Variants in HIVEP3 observed in about 807,000 individuals in gnomAD.
HIVEP3 encodes the protein transcription factor HIVEP3.
HIVEP3 carries 49 observed loss-of-function variants against 152.8 expected under a neutral mutation model. The observed-to-expected ratio is 0.32, with a 90% CI of 0.26 to 0.41. The LOEUF (loss-of-function observed/expected upper bound fraction) is 0.41. Among genes scored for constraint, HIVEP3 ranks in the 10% least tolerant of loss-of-function variants. HIVEP3 has a pLI of 1.00. For missense variants in HIVEP3, 2,790 were observed against 3,103.3 expected (o/e 0.90, Z 2.40); for synonymous variants, 1,269 against 1,289.0 (o/e 0.98, Z 0.33).
intron 1 of HIVEP3, among the ~76,000 whole-genome samples, chr1:41,857,074 A>G (rs1024295389): frequency 2.0e-5 from 3 of 152,090 alleles, no homozygotes; most frequent in African/African-American, 7.2e-5. Flanking sequence ...GCAGCCCTTC[A>G]GGGAATCCTT....
chr1:41,787,193 C>A (rs1649399086), intron 1 of HIVEP3, among the ~76,000 whole-genome samples: 1 of 151,976 alleles, frequency 6.6e-6, no homozygotes, highest in South Asian at 2.1e-4. Context: ...AATGAGGTAC[C>A]AAAATAATGC....
rs1171123993 is a variant in HIVEP3 at position 41,924,194 on chromosome 1, C to T, written n.120-5670G>A. On this transcript the variant is annotated intron_variant and non_coding_transcript_variant, in intron 1 of 3. Transcript: ENST00000489103. ...GCGGCTGAGATTGGAGTGATGCAGCCACAAGCCAAGGAATGCCAGAGGCCA... is the reference window on the plus strand; with the variant it reads ...GCGGCTGAGATTGGAGTGATGCAGCTACAAGCCAAGGAATGCCAGAGGCCA... Among the ~76,000 whole-genome samples, 7 of 152,204 alleles carry T rather than the reference C, an allele frequency of 4.6e-5. No homozygotes were observed. The South Asian group carries it at 1.5e-3, about 32-fold the overall frequency.
intron 5 of HIVEP3, 98 bp downstream of exon 5, chr1:41,575,446 G>C: frequency 7.5e-7 from 1 of 1,331,062 alleles, no homozygotes. Context: ...CCTGTGGGCA[G>C]AGCCCTTGCC....
intron 4 of HIVEP3, 32 bp downstream of exon 4, chr1:41,579,705 A>C: frequency 6.6e-7 from 1 of 1,517,824 alleles, no homozygotes; most frequent in South Asian, 1.3e-5. Context: ...TTTGCAAATC[A>C]GTGATGAGAA....
chr1:41,787,485 A>C (rs1050416008), intron 1 of HIVEP3, among the ~76,000 whole-genome samples: 1 of 150,554 alleles, frequency 6.6e-6, no homozygotes, highest in Admixed American at 6.6e-5. Flanking sequence ...GAGTTTTCAC[A>C]TGGCTTCATT....
chr1:41,806,911 C>T (rs1327418164), intron 1 of HIVEP3, among the ~76,000 whole-genome samples: 1 of 152,106 alleles, frequency 6.6e-6, no homozygotes, highest in Non-Finnish European at 1.5e-5. Flanking sequence ...CACCCCACGC[C>T]CCACCCACAC....
chr1:42,029,541 G>A (rs768398128), intron 1 of HIVEP3, among the ~76,000 whole-genome samples: 11 of 152,114 alleles, frequency 7.2e-5, no homozygotes, highest in Non-Finnish European at 1.5e-4. Flanking sequence ...TTGAAAATCC[G>A]CAACTGTGAT....
chr1:41,642,498 T>C (rs1645389991), intron 2 of HIVEP3, among the ~76,000 whole-genome samples: 1 of 152,186 alleles, frequency 6.6e-6, no homozygotes, highest in Admixed American at 6.5e-5. Flanking sequence ...CTCTACTCTC[T>C]CTCTGGCCAG....
chr1:41,575,402 G>A, intron 5 of HIVEP3, 142 bp downstream of exon 5: 1 of 796,662 alleles, frequency 1.3e-6, no homozygotes, highest in East Asian at 2.5e-5. Flanking sequence ...GGAAGGTGAT[G>A]TCTGCTGAAA....
intron 1 of HIVEP3, among the ~76,000 whole-genome samples, chr1:41,716,595 G>T (rs1646597730): frequency 6.6e-6 from 1 of 152,196 alleles, no homozygotes; most frequent in Admixed American, 6.5e-5. Context: ...AGCAGTGGGA[G>T]GGCCCTCTGG....
At chr1:41,740,601 AT>A (rs1252471155) in intron 1 of HIVEP3, among the ~76,000 whole-genome samples, 1 of 152,164 alleles carries the variant, frequency 6.6e-6, no homozygotes, top group Non-Finnish European at 1.5e-5. Flanking sequence ...CTTCATATTT[AT>A]TCTACAAACG....
chr1:41,978,924 C>T (rs115488990), intron 1 of HIVEP3, among the ~76,000 whole-genome samples: 2,295 of 152,180 alleles, frequency 0.015, 55 homozygotes, highest in African/African-American at 0.053. Flanking sequence ...ACCAGACTGA[C>T]GTGTTGAGGA....
intron 2 of HIVEP3, among the ~76,000 whole-genome samples, chr1:41,689,919 C>CA (rs1401174526): frequency 6.6e-6 from 1 of 152,236 alleles, no homozygotes; most frequent in Admixed American, 6.5e-5. Context: ...GTCCCGTGGT[C>CA]ACAGAGGCTT....
chr1:41,587,958 T>G (rs1298753632), intron 3 of HIVEP3, among the ~76,000 whole-genome samples: 4 of 152,178 alleles, frequency 2.6e-5, no homozygotes, highest in Admixed American at 2.0e-4. Flanking sequence ...TTGTCTAGCA[T>G]CTGAACAATA....
intron 5 of HIVEP3, among the ~76,000 whole-genome samples, chr1:41,526,505 C>T (rs1389197624): frequency 3.0e-5 from 4 of 132,942 alleles, no homozygotes; most frequent in African/African-American, 8.6e-5. Context: ...CTCCACACCC[C>T]TGCCGTCACA....
intron 1 of HIVEP3, among the ~76,000 whole-genome samples, chr1:41,705,807 T>G (rs1002011477): frequency 2.0e-5 from 3 of 152,084 alleles, no homozygotes; most frequent in African/African-American, 7.2e-5. Context: ...AGAAAAAAAA[T>G]TCTAAGCAAG....
intron 1 of HIVEP3, among the ~76,000 whole-genome samples, chr1:41,854,517 CTTTTTTTT>C (rs998972000): frequency 9.6e-6 from 1 of 103,680 alleles, no homozygotes; most frequent in Non-Finnish European, 1.9e-5. Flanking sequence ...TCTTGCTGCA[CTTTTTTTT>C]TTTTTTTTTT....
chr1:41,806,289 C>T (rs754334102), intron 1 of HIVEP3, among the ~76,000 whole-genome samples: 1 of 152,170 alleles, frequency 6.6e-6, no homozygotes, highest in South Asian at 2.1e-4. Context: ...CTTAGGAGAC[C>T]CAGCCACGGA....
At chr1:41,908,184 G>A (rs16828869) in intron 1 of HIVEP3, among the ~76,000 whole-genome samples, 5,458 of 152,196 alleles carry the variant, frequency 0.036, 309 homozygotes, top group African/African-American at 0.12. Context: ...TCCAGGTTTG[G>A]AATAAAAGCT....
Sources: gnomAD v4.1 joint callset for allele counts (sites outside exome capture counted in the v4.1 genomes callset) on GRCh38, gnomAD v4.1.1 for gene constraint, MANE v1.5 for transcripts, NCBI Gene and HGNC (gene_info 2026-07-23, HGNC 2026-07-21) for gene names.